NEDD4: variants seen among roughly 807,000 people sequenced by gnomAD.
The protein encoded by NEDD4 is NEDD4 E3 ubiquitin protein ligase.
A neutral mutation model predicts 144.9 loss-of-function variants in NEDD4; 99 were observed. The observed-to-expected ratio is 0.68, with a 90% CI of 0.58 to 0.81. NEDD4 has a LOEUF of 0.81. NEDD4 is among the 30% of genes least tolerant of loss of function. NEDD4 has a pLI of 0.00. For missense variants in NEDD4, 985 were observed against 1,065.9 expected (o/e 0.92, Z 1.06); for synonymous variants, 318 against 350.6 (o/e 0.91, Z 1.04).
At chr15:55,874,304 C>T (rs1386166758) in intron 5 of NEDD4, among the ~76,000 whole-genome samples, 1 of 152,050 alleles carries the variant, frequency 6.6e-6, no homozygotes, top group Non-Finnish European at 1.5e-5. Flanking sequence ...GGATGTCAAT[C>T]CTTCAAAGAA....
chr15:55,957,775 T>A (rs1005680567), intron 2 of NEDD4, among the ~76,000 whole-genome samples: 5 of 152,196 alleles, frequency 3.3e-5, no homozygotes, highest in Admixed American at 2.0e-4. Flanking sequence ...ATATATACCA[T>A]GGAATACTAT....
chr15:55,930,142 AC>A (rs1262967830), intron 4 of NEDD4, among the ~76,000 whole-genome samples: 3 of 152,190 alleles, frequency 2.0e-5, no homozygotes, highest in Non-Finnish European at 4.4e-5. Flanking sequence ...CTAGCCATCT[AC>A]TTTTTAATTT....
intron 5 of NEDD4, among the ~76,000 whole-genome samples, chr15:55,899,286 T>C (rs2035836533): frequency 6.6e-6 from 1 of 152,226 alleles, no homozygotes; most frequent in African/African-American, 2.4e-5. Context: ...TTGAAATGAA[T>C]AGCCTTTTAT....
intron 8 of NEDD4, 81 bp downstream of exon 8, chr15:55,869,498 C>A: frequency 1.3e-6 from 1 of 765,248 alleles, no homozygotes; most frequent in Non-Finnish European, 2.1e-6. Flanking sequence ...TAACTTCATT[C>A]AATAGTTATT....
intron 1 of NEDD4, among the ~76,000 whole-genome samples, chr15:55,969,667 G>A (rs569707293): frequency 1.3e-5 from 2 of 152,116 alleles, no homozygotes; most frequent in African/African-American, 4.8e-5. Context: ...GGCCAGAGGG[G>A]AACCTGCCAC....
intron 4 of NEDD4, among the ~76,000 whole-genome samples, chr15:55,940,518 T>TTCTCTCTCTCCCTCTCTCTCTCTC (rs2036979273): frequency 7.5e-5 from 8 of 106,192 alleles, no homozygotes; most frequent in African/African-American, 2.4e-4. Flanking sequence ...CTCCTCCCCC[T>TTCTCTCTCTCCCTCTCTCTCTCTC]TCTCTCTCTC....
intron 5 of NEDD4, among the ~76,000 whole-genome samples, chr15:55,881,884 G>A (rs2035207298): frequency 6.6e-6 from 1 of 152,032 alleles, no homozygotes; most frequent in South Asian, 2.1e-4. Flanking sequence ...GTGCATTGAA[G>A]GATATTTACC....
chr15:55,929,511 G>A (rs1324610638), intron 4 of NEDD4, among the ~76,000 whole-genome samples: 2 of 151,882 alleles, frequency 1.3e-5, no homozygotes, highest in African/African-American at 4.8e-5. Context: ...AGCAGGCCGC[G>A]GTGTCTATTG....
chr15:55,866,480 A>G (rs1347016254), intron 8 of NEDD4, among the ~76,000 whole-genome samples: 1 of 152,006 alleles, frequency 6.6e-6, no homozygotes, highest in Non-Finnish European at 1.5e-5. Context: ...AAGTTTTTAT[A>G]TTTTACTCTT....
chr15:55,896,134 C>T (rs572983138), intron 5 of NEDD4, among the ~76,000 whole-genome samples: 1 of 152,180 alleles, frequency 6.6e-6, no homozygotes. Flanking sequence ...TATATTTTGC[C>T]CTCTCAAGCT....
chr15:55,972,830 G>A (rs1358775325), intron 1 of NEDD4, among the ~76,000 whole-genome samples: 1 of 151,632 alleles, frequency 6.6e-6, no homozygotes, highest in Non-Finnish European at 1.5e-5. Context: ...AAAAAGAGCA[G>A]GAATAGCTAT....
At chr15:55,974,553 GA>G (rs1167886387) in intron 1 of NEDD4, among the ~76,000 whole-genome samples, 7 of 151,614 alleles carry the variant, frequency 4.6e-5, no homozygotes, top group Non-Finnish European at 5.9e-5. Context: ...ACAACACATT[GA>G]AAAAAAATCA....
At chr15:55,862,337 T>C (rs2034438605) in intron 9 of NEDD4, among the ~76,000 whole-genome samples, 1 of 152,022 alleles carries the variant, frequency 6.6e-6, no homozygotes, top group Admixed American at 6.6e-5. Context: ...ATATGAATAA[T>C]GGGAGATTTT....
At chr15:55,883,077 A>C (rs2035252977) in intron 5 of NEDD4, among the ~76,000 whole-genome samples, 1 of 152,196 alleles carries the variant, frequency 6.6e-6, no homozygotes, top group Non-Finnish European at 1.5e-5. Flanking sequence ...TAGAGCACCA[A>C]GCCTCTTGGG....
chr15:55,860,333 AAGTT>A (rs1299467870), intron 11 of NEDD4, 70 bp downstream of exon 11: 12 of 1,445,576 alleles, frequency 8.3e-6, no homozygotes, highest in Admixed American at 2.1e-5. Context: ...TTTTACATAA[AAGTT>A]AGTTGTTGAA....
At chr15:55,887,286 A>T (rs2035425761) in intron 5 of NEDD4, among the ~76,000 whole-genome samples, 1 of 152,166 alleles carries the variant, frequency 6.6e-6, no homozygotes, top group African/African-American at 2.4e-5. Flanking sequence ...AACCCAAATA[A>T]ATAAAATCAG....
At chr15:55,893,063 T>C (rs1449033682) in intron 5 of NEDD4, among the ~76,000 whole-genome samples, 13 of 152,144 alleles carry the variant, frequency 8.5e-5, no homozygotes, top group African/African-American at 3.1e-4. Flanking sequence ...TAACCTGAGA[T>C]AGAAACAGAT....
chr15:55,982,532 G>T (rs1259135555), intron 1 of NEDD4, among the ~76,000 whole-genome samples: 1 of 152,130 alleles, frequency 6.6e-6, no homozygotes, highest in East Asian at 1.9e-4. Context: ...TGAAGTTCTA[G>T]AACAGACAAA....
At chr15:55,871,862 T>C (rs1383131537) in intron 7 of NEDD4, among the ~76,000 whole-genome samples, 2 of 152,214 alleles carry the variant, frequency 1.3e-5, no homozygotes, top group African/African-American at 4.8e-5. Context: ...CAATGAGGTA[T>C]AGAAGATCAA....
Sources: gnomAD v4.1 joint callset for allele counts (sites outside exome capture counted in the v4.1 genomes callset) on GRCh38, gnomAD v4.1.1 for gene constraint, MANE v1.5 for transcripts, NCBI Gene and HGNC (gene_info 2026-07-23, HGNC 2026-07-21) for gene names.